Variants in RPGRIP1L observed in about 807,000 individuals in gnomAD.
The protein encoded by RPGRIP1L is RPGRIP1 like, also known as protein fantom.
In RPGRIP1L, 131 loss-of-function variants were observed where a neutral mutation model predicts 160.4. The observed-to-expected ratio is 0.82, with a 90% CI of 0.71 to 0.94. The LOEUF is 0.94. RPGRIP1L is among the 40% of genes least tolerant of loss of function. RPGRIP1L has a pLI of 0.00. For synonymous variants in RPGRIP1L, 510 were observed against 515.8 expected (o/e 0.99, Z 0.15); for missense variants, 1,522 against 1,535.8 (o/e 0.99, Z 0.15).
At chr16:53,697,102 G>C (rs957117411) in intron 2 of RPGRIP1L, among the ~76,000 whole-genome samples, 3 of 151,998 alleles carry the variant, frequency 2.0e-5, no homozygotes, top group Admixed American at 6.5e-5. Context: ...GCTAAGTCTG[G>C]ACAATCGCCC....
At chr16:53,626,697 C>T (rs923381311) in intron 22 of RPGRIP1L, among the ~76,000 whole-genome samples, 20 of 150,112 alleles carry the variant, frequency 1.3e-4, no homozygotes, top group African/African-American at 3.7e-4. Flanking sequence ...CCCGGCTACT[C>T]GGGAGGCTGA....
In RPGRIP1L at chr16:53,600,270, G is replaced by T. The variant is rs1421125352; in HGVS notation, c.*1806C>A. 1 of 152,598 alleles carries T rather than the reference G, an allele frequency of 6.6e-6. No homozygotes were observed. Among genetic ancestry groups the T allele is most frequent in the Non-Finnish European group, 1.5e-5 (1 of 68,028 alleles). The allele number at this position is 152,598 out of a possible 1,614,324, so 9.5% of individuals were successfully genotyped here. ...GACACTGTAACTGCATAAAGCCAAA[G>T]AAAGCTAGAAAAAGGGGCCAAAAAA... On this transcript the variant is annotated 3_prime_UTR_variant, in exon 27 of 27. Transcript: ENST00000647211.
At chr16:53,652,434 G>T in intron 15 of RPGRIP1L, 101 bp downstream of exon 15, 2 of 911,484 alleles carry the variant, frequency 2.2e-6, no homozygotes, top group Non-Finnish European at 1.8e-6. Context: ...TGCTCTAAAG[G>T]CACCTTTAAT....
Position 53,696,214 on chromosome 16 carries a change from C to T in RPGRIP1L, c.167G>A (p.Arg56His), listed in dbSNP as rs374157187. The T allele has an allele frequency of 2.2e-5, 36 of 1,613,998 alleles. No homozygotes were observed. The highest frequency in any genetic ancestry group is 3.3e-5 in the Admixed American group (2 of 60,010). ...SREELEDRFLRLHDENILLKQ... is the reference protein window; with the variant it reads ...SREELEDRFLHLHDENILLKQ... ...AAGTAAAATGTTCTCATCATGCAAA[C>T]GCAAAAATCTGTCTTCCAGTTCCTC... is the stretch of plus-strand genomic sequence containing the variant. The change falls in exon 3 of 27, where the codon CGT becomes CAT. Residue 56 changes from arginine (R) to histidine (H), a missense_variant. Transcript: ENST00000647211.
intron 2 of RPGRIP1L, 152 bp downstream of exon 2, chr16:53,700,487 T>C (rs1468675789): frequency 1.4e-6 from 1 of 696,682 alleles, no homozygotes; most frequent in Non-Finnish European, 2.6e-6. Context: ...AAATACCATA[T>C]GTGTTCTAAA....
In RPGRIP1L at chr16:53,610,969, T is replaced by A. The variant is rs760891642; in HGVS notation, c.3699A>T (p.Arg1233Ser). 1 of 1,602,774 alleles carries A rather than the reference T, an allele frequency of 6.2e-7. No individual in the cohort carries two copies. Among genetic ancestry groups the A allele is most frequent in the Non-Finnish European group, 8.5e-7 (1 of 1,169,734 alleles). The change falls in exon 25 of 27, where the codon AGA becomes AGT. Residue 1233 changes from arginine (R) to serine (S), a missense_variant and splice_region_variant. By Grantham distance (110) the Arg-to-Ser change is moderately radical (BLOSUM62 -1). Transcript: ENST00000647211. ...TTATTTGGACTGCCAAAACATACCT[T>A]CTATTAGGCATCTCTTGTTTTTGTA... ...AILQKQEMPN[R>S]SLRFTVVSDP...
chr16:53,696,378 C>G, intron 2 of RPGRIP1L, 83 bp from the exon 3 acceptor site: 1 of 1,394,440 alleles, frequency 7.2e-7, no homozygotes, highest in Non-Finnish European at 1.0e-6. Context: ...ATCTCTGATG[C>G]ACTCATCTGA....
chr16:53,667,879 A>C (rs1384559407), intron 9 of RPGRIP1L, among the ~76,000 whole-genome samples: 1 of 151,970 alleles, frequency 6.6e-6, no homozygotes, highest in Non-Finnish European at 1.5e-5. Context: ...TCTCAAAAAA[A>C]AAATTAAAAA....
chr16:53,641,050 T>A lies in RPGRIP1L; in HGVS notation c.2941A>T (p.Met981Leu). The A allele has an allele frequency of 6.2e-7, 1 of 1,611,960 alleles. No homozygotes were observed. The highest frequency in any genetic ancestry group is 1.1e-5 in the South Asian group (1 of 91,050). Residue 981 changes from methionine to leucine, a missense_variant, in exon 19 of 27, where the codon ATG (methionine) becomes TTG (leucine). By Grantham distance (15) the Met-to-Leu change is conservative (BLOSUM62 2). Transcript: ENST00000647211. ...VDKKVSFVDI[M>L]PHQSDETSPP... The stretch of plus-strand genomic sequence containing the variant: ...CTACTTACATCACTCTGATGTGGCA[T>A]GATATCCACGAAAGATACCTTCTTA...
intron 19 of RPGRIP1L, among the ~76,000 whole-genome samples, chr16:53,638,754 T>C (rs1357639466): frequency 1.3e-5 from 2 of 151,658 alleles, no homozygotes; most frequent in Non-Finnish European, 1.5e-5. Context: ...AAAAAAATGA[T>C]GTAGACCTGT....
intron 23 of RPGRIP1L, 135 bp downstream of exon 23, chr16:53,622,084 G>C (rs185986475): frequency 9.3e-4 from 297 of 319,294 alleles, no homozygotes; most frequent in African/African-American, 6.5e-3. Flanking sequence ...CTGAAGATTG[G>C]CCCGGCGCAG....
chr16:53,702,517 A>T (rs1475696634), intron 1 of RPGRIP1L, among the ~76,000 whole-genome samples: 7 of 152,124 alleles, frequency 4.6e-5, no homozygotes. Flanking sequence ...CACTTACATT[A>T]TTCTTTACTT....
intron 23 of RPGRIP1L, among the ~76,000 whole-genome samples, chr16:53,620,092 T>A (rs1039170986): frequency 1.3e-5 from 2 of 152,170 alleles, no homozygotes; most frequent in African/African-American, 4.8e-5. Flanking sequence ...ATAAATTATA[T>A]AACTTCAAAT....
At chr16:53,691,942 A>G in intron 4 of RPGRIP1L, 124 bp downstream of exon 4, 9 of 890,846 alleles carry the variant, frequency 1.0e-5, no homozygotes, top group Non-Finnish European at 1.6e-5. Flanking sequence ...AAAGTAAAAA[A>G]TTATTTTTCT....
At chr16:53,652,420 T>C (rs1221546570) in intron 15 of RPGRIP1L, 115 bp downstream of exon 15, 3 of 812,614 alleles carry the variant, frequency 3.7e-6, no homozygotes, top group East Asian at 2.6e-5. Context: ...AAGAATGTTG[T>C]CCTTGCTCTA....
chr16:53,686,761 A>G (rs1021852527), intron 5 of RPGRIP1L, among the ~76,000 whole-genome samples, 185 bp from the exon 6 acceptor site: 1 of 152,312 alleles, frequency 6.6e-6, no homozygotes, highest in Non-Finnish European at 1.5e-5. Context: ...CATACGGAAC[A>G]ATGCAAGATA....
intron 4 of RPGRIP1L, among the ~76,000 whole-genome samples, chr16:53,689,423 T>G (rs1970242346): frequency 6.6e-6 from 1 of 152,150 alleles, no homozygotes; most frequent in Non-Finnish European, 1.5e-5. Context: ...CTTCCCAGCC[T>G]CTAGTAACTA....
intron 25 of RPGRIP1L, among the ~76,000 whole-genome samples, chr16:53,606,764 C>G (rs1432647584): frequency 6.6e-6 from 1 of 152,106 alleles, no homozygotes; most frequent in Admixed American, 6.6e-5. Context: ...CAGGTGCCCG[C>G]CACCACATCT....
chr16:53,638,528 T>G, intron 19 of RPGRIP1L, 117 bp from the exon 20 acceptor site: 1 of 597,168 alleles, frequency 1.7e-6, no homozygotes, highest in Non-Finnish European at 3.0e-6. Flanking sequence ...TAACAGTTAC[T>G]CATATGACAC....
Sources: gnomAD v4.1 joint callset for allele counts (sites outside exome capture counted in the v4.1 genomes callset) on GRCh38, gnomAD v4.1.1 for gene constraint, MANE v1.5 for transcripts, NCBI Gene and HGNC (gene_info 2026-07-23, HGNC 2026-07-21) for gene names.